SLC4A7: variants seen among roughly 807,000 people sequenced by gnomAD.
The protein encoded by SLC4A7 is solute carrier family 4 member 7.
A neutral mutation model predicts 137.6 loss-of-function variants in SLC4A7; 51 were observed. The ratio of observed to expected loss-of-function variants is 0.37; its 90% CI spans 0.30 to 0.47. The LOEUF (loss-of-function observed/expected upper bound fraction) is 0.47, where lower values mean the gene tolerates loss of function less well. Among genes scored for constraint, SLC4A7 ranks in the 20% least tolerant of loss-of-function variants. The pLI, the probability that SLC4A7 is intolerant of heterozygous loss-of-function variation, is 1.00. For missense variants in SLC4A7, 1,247 were observed against 1,525.4 expected (o/e 0.82, Z 3.04); for synonymous variants, 542 against 518.6 (o/e 1.05, Z -0.61).
At position 27,438,718 on chromosome 3, in the gene SLC4A7, TAAAAC is replaced by T. The variant is rs1373517866; in HGVS notation, c.290-1197_290-1193del. 6.7e-5 allele frequency among the ~76,000 whole-genome samples: 10 copies of T among 148,918 alleles called. No individual in the cohort carries two copies. The East Asian group carries it at 8.1e-4, about 12-fold the overall frequency. On this transcript the variant is annotated intron_variant, in intron 3 of 25. Transcript: ENST00000454389. ...TAAAATAACATAACATAAAATAAAA[TAAAAC>T]AAAATACAATGTAAGCTGAAGAGTT...
At chr3:27,386,753 A>G (rs2050997500) in intron 22 of SLC4A7, among the ~76,000 whole-genome samples, 1 of 152,148 alleles carries the variant, frequency 6.6e-6, no homozygotes, top group Admixed American at 6.5e-5. Flanking sequence ...TTCCTTTTAC[A>G]CTTGGGTTTT....
Position 27,448,706 on chromosome 3 carries a change from C to T in SLC4A7, c.234G>A (p.Arg78=), listed in dbSNP as rs2150523971. Residue 78 remains arginine (R), a synonymous_variant, in exon 3 of 26, where the codon CGG becomes CGA. Coordinates refer to ENST00000454389, the MANE Select transcript of SLC4A7 (RefSeq NM_001321103.2). ...TATCTGATTCTTTATCTTTTCTTCTCCGGTGGTGATGTTTGTGTCCGCGAT... is the reference window on the plus strand; with the variant it reads ...TATCTGATTCTTTATCTTTTCTTCTTCGGTGGTGATGTTTGTGTCCGCGAT... The part of the protein sequence containing the change: ...HRHRGHKHHH[R]RRKDKESDKE... The T allele has an allele frequency of 6.2e-7, 1 of 1,612,944 alleles. No homozygotes were observed. Among genetic ancestry groups the T allele is most frequent in the Non-Finnish European group, 8.5e-7 (1 of 1,179,206 alleles).
chr3:27,479,368 G>A (rs1466574034), intron 1 of SLC4A7, among the ~76,000 whole-genome samples: 2 of 151,742 alleles, frequency 1.3e-5, no homozygotes, highest in Non-Finnish European at 2.9e-5. Context: ...GAGCCATGAT[G>A]GTACCACTGC....
At chr3:27,427,766 G>A (rs1219458635) in intron 7 of SLC4A7, among the ~76,000 whole-genome samples, 2 of 152,112 alleles carry the variant, frequency 1.3e-5, no homozygotes, top group Non-Finnish European at 2.9e-5. Flanking sequence ...ACTATCTACA[G>A]TCGTCTTTTT....
intron 1 of SLC4A7, among the ~76,000 whole-genome samples, chr3:27,473,226 G>T (rs369794989): frequency 1.1e-4 from 16 of 152,018 alleles, no homozygotes; most frequent in South Asian, 8.3e-4. Context: ...TTGAGCCCAG[G>T]AGTTCAAGGC....
chr3:27,465,287 C>A (rs9880112), intron 1 of SLC4A7, among the ~76,000 whole-genome samples: 4,558 of 88,446 alleles, frequency 0.052, 90 homozygotes, highest in East Asian at 0.13. Flanking sequence ...AAGACTCCGT[C>A]TCAAAAAAAA....
chr3:27,407,110 C>CT (rs11312328), intron 13 of SLC4A7, among the ~76,000 whole-genome samples: 36 of 125,260 alleles, frequency 2.9e-4, no homozygotes, highest in African/African-American at 6.8e-4. Flanking sequence ...ATATGAAGAC[C>CT]TTTTTTTTTT....
chr3:27,408,767 A>AGT (rs2053628281), intron 13 of SLC4A7, among the ~76,000 whole-genome samples: 1 of 152,348 alleles, frequency 6.6e-6, no homozygotes, highest in South Asian at 2.1e-4. Flanking sequence ...CTTTCATTTT[A>AGT]GTCATATCAA....
intron 7 of SLC4A7, among the ~76,000 whole-genome samples, chr3:27,428,768 G>A (rs1576401898): frequency 6.6e-6 from 1 of 152,196 alleles, no homozygotes; most frequent in African/African-American, 2.4e-5. Context: ...AGTGCTGGAT[G>A]TTGTATTTTG....
At chr3:27,446,966 C>T (rs558584049) in intron 3 of SLC4A7, among the ~76,000 whole-genome samples, 1 of 149,970 alleles carries the variant, frequency 6.7e-6, no homozygotes, top group African/African-American at 2.4e-5. Context: ...TCACTGCAAC[C>T]TCTGCCTCCC....
At chr3:27,452,309 A>C in intron 2 of SLC4A7, 108 bp downstream of exon 2, 1 of 709,404 alleles carries the variant, frequency 1.4e-6, no homozygotes, top group Non-Finnish European at 2.3e-6. Context: ...CCTTACAACA[A>C]TAACAAAAAA....
At chr3:27,438,419 C>T (rs1016196918) in intron 3 of SLC4A7, among the ~76,000 whole-genome samples, 3 of 151,848 alleles carry the variant, frequency 2.0e-5, no homozygotes, top group South Asian at 2.1e-4. Context: ...GCAGGAGAAT[C>T]GCTTGAACCC....
chr3:27,394,391 C>T, intron 20 of SLC4A7, 127 bp downstream of exon 20: 1 of 813,846 alleles, frequency 1.2e-6, no homozygotes, highest in South Asian at 1.8e-5. Context: ...GAAATTATTT[C>T]CCAAGTAAAC....
intron 18 of SLC4A7, among the ~76,000 whole-genome samples, chr3:27,397,185 G>A (rs2052272030): frequency 6.6e-6 from 1 of 152,012 alleles, no homozygotes; most frequent in Non-Finnish European, 1.5e-5. Context: ...CCGCCACCAC[G>A]CCTGGCTAAT....
intron 7 of SLC4A7, 140 bp from the exon 8 acceptor site, chr3:27,424,292 AG>A (rs1472462456): frequency 6.1e-6 from 3 of 491,928 alleles, no homozygotes; most frequent in African/African-American, 5.9e-5. Context: ...GCCCGGTGTT[AG>A]TAACATACCA....
At chr3:27,430,913 G>C (rs1289784043) in intron 7 of SLC4A7, among the ~76,000 whole-genome samples, 2 of 152,168 alleles carry the variant, frequency 1.3e-5, no homozygotes, top group South Asian at 2.1e-4. Context: ...TTTTACTGAA[G>C]TGTTCAAATG....
chr3:27,479,599 C>T (rs548751523), intron 1 of SLC4A7, among the ~76,000 whole-genome samples: 1 of 152,258 alleles, frequency 6.6e-6, no homozygotes, highest in East Asian at 1.9e-4. Flanking sequence ...AACACTATAT[C>T]AACCAAAGAC....
intron 1 of SLC4A7, among the ~76,000 whole-genome samples, chr3:27,482,748 G>A (rs2059769102): frequency 6.6e-6 from 1 of 152,060 alleles, no homozygotes; most frequent in African/African-American, 2.4e-5. Flanking sequence ...TTCCAGCCTG[G>A]GCGACAGAGC....
At chr3:27,409,601 G>C (rs775798748) in intron 12 of SLC4A7, 71 bp from the exon 13 acceptor site, 3 of 1,255,770 alleles carry the variant, frequency 2.4e-6, no homozygotes, top group Middle Eastern at 4.2e-4. Context: ...TAAAACTATG[G>C]GCTACACAAA....
Sources: gnomAD v4.1 joint callset for allele counts (sites outside exome capture counted in the v4.1 genomes callset) on GRCh38, gnomAD v4.1.1 for gene constraint, MANE v1.5 for transcripts, NCBI Gene and HGNC (gene_info 2026-07-23, HGNC 2026-07-21) for gene names.